The following AP3B1 variants were observed in gnomAD, a reference collection of about 807,000 sequenced individuals.
AP3B1 encodes AP-3 complex subunit beta-1.
In AP3B1, 61 loss-of-function variants were observed where a neutral mutation model predicts 132.5. The ratio of observed to expected loss-of-function variants is 0.46; its 90% CI spans 0.37 to 0.57. AP3B1 has a LOEUF of 0.57. Among genes scored for constraint, AP3B1 ranks in the 20% least tolerant of loss-of-function variants. The pLI, the probability that AP3B1 is intolerant of heterozygous loss-of-function variation, is 0.00. For synonymous variants in AP3B1, 388 were observed against 438.3 expected (o/e 0.89, Z 1.43); for missense variants, 1,120 against 1,289.4 (o/e 0.87, Z 2.01).
At chr5:78,095,561 T>C (rs1371980988) in intron 21 of AP3B1, among the ~76,000 whole-genome samples, 1 of 152,198 alleles carries the variant, frequency 6.6e-6, no homozygotes, top group African/African-American at 2.4e-5. Flanking sequence ...TGTAGTTTTT[T>C]AATTTGGGGT....
At chr5:78,085,004 C>T (rs1455733441) in intron 22 of AP3B1, among the ~76,000 whole-genome samples, 1 of 152,002 alleles carries the variant, frequency 6.6e-6, no homozygotes, top group Non-Finnish European at 1.5e-5. Context: ...ACCATCACTA[C>T]TATCACTAGA....
chr5:78,040,514 T>C (rs909972636), intron 22 of AP3B1, among the ~76,000 whole-genome samples: 4 of 152,174 alleles, frequency 2.6e-5, no homozygotes, highest in African/African-American at 9.7e-5. Context: ...TATTGAACAT[T>C]AGACTCTTAA....
intron 3 of AP3B1, among the ~76,000 whole-genome samples, chr5:78,237,199 A>G (rs1334044786): frequency 4.6e-5 from 7 of 152,194 alleles, no homozygotes. Context: ...TTCCTATCTA[A>G]TGAAAAAAAT....
intron 19 of AP3B1, among the ~76,000 whole-genome samples, chr5:78,110,716 A>G (rs905376723): frequency 1.9e-3 from 246 of 126,990 alleles, no homozygotes; most frequent in East Asian, 4.8e-3. Context: ...GTGTGTGTGT[A>G]TGTATGTATA....
intron 6 of AP3B1, among the ~76,000 whole-genome samples, chr5:78,221,632 A>G (rs1481723425): frequency 6.6e-6 from 1 of 151,876 alleles, no homozygotes. Flanking sequence ...GAACCAAAAG[A>G]ATAAAAATGA....
At chr5:78,151,387 G>A (rs1044046727) in intron 14 of AP3B1, among the ~76,000 whole-genome samples, 1 of 152,154 alleles carries the variant, frequency 6.6e-6, no homozygotes, top group African/African-American at 2.4e-5. Flanking sequence ...GCTTGAGGTA[G>A]GACTTCCAGT....
intron 21 of AP3B1, among the ~76,000 whole-genome samples, chr5:78,096,351 T>C (rs252745): frequency 0.24 from 36,345 of 151,746 alleles, 4,587 homozygotes; most frequent in Admixed American, 0.31. Flanking sequence ...GGCATGATCT[T>C]GGCTCGCTAC....
intron 12 of AP3B1, among the ~76,000 whole-genome samples, chr5:78,164,563 T>A (rs1331526814): frequency 6.6e-6 from 1 of 151,912 alleles, no homozygotes; most frequent in Non-Finnish European, 1.5e-5. Context: ...TAAATAAAAT[T>A]ATAGGAATGA....
At chr5:78,281,371 T>C (rs1217840326) in intron 1 of AP3B1, among the ~76,000 whole-genome samples, 1 of 148,472 alleles carries the variant, frequency 6.7e-6, no homozygotes. Flanking sequence ...GAAGCAGAGA[T>C]TGCAGTGAGC....
At chr5:78,142,242 A>G (rs1307825306) in intron 14 of AP3B1, among the ~76,000 whole-genome samples, 1 of 152,238 alleles carries the variant, frequency 6.6e-6, no homozygotes, top group East Asian at 1.9e-4. Flanking sequence ...TTCCATCAGT[A>G]CCATTAAGAC....
At chr5:78,129,906 C>G (rs568205093) in intron 15 of AP3B1, among the ~76,000 whole-genome samples, 46 of 152,136 alleles carry the variant, frequency 3.0e-4, no homozygotes, top group African/African-American at 1.0e-3. Context: ...TTCATAAAAG[C>G]AAGCTGCTGA....
intron 15 of AP3B1, among the ~76,000 whole-genome samples, chr5:78,137,742 T>A (rs1752978377): frequency 6.6e-6 from 1 of 152,098 alleles, no homozygotes; most frequent in Admixed American, 6.5e-5. Context: ...CAAAACAGAC[T>A]GCTAACTAAT....
At chr5:78,024,651 A>G (rs149866212) in intron 24 of AP3B1, among the ~76,000 whole-genome samples, 1,687 of 139,198 alleles carry the variant, frequency 0.012, 28 homozygotes, top group African/African-American at 0.033. Context: ...TGCAACCTCC[A>G]CCTCTTGGGT....
chr5:78,089,341 A>ATACAATGGC, intron 22 of AP3B1, 52 bp downstream of exon 22: 1 of 1,282,312 alleles, frequency 7.8e-7, no homozygotes, highest in Non-Finnish European at 1.1e-6. Flanking sequence ...AATAAAAAAG[A>ATACAATGGC]TACAATGGCA....
intron 15 of AP3B1, among the ~76,000 whole-genome samples, chr5:78,139,606 G>A (rs952941583): frequency 6.6e-6 from 1 of 152,260 alleles, no homozygotes; most frequent in Admixed American, 6.5e-5. Context: ...GCTATAATAA[G>A]ATAACTCATA....
chr5:78,012,666 C>G (rs1051496914), intron 26 of AP3B1, among the ~76,000 whole-genome samples: 10 of 152,210 alleles, frequency 6.6e-5, no homozygotes, highest in African/African-American at 2.4e-4. Flanking sequence ...AACTTGGGCC[C>G]TCCCCCAGGT....
At chr5:78,089,575 G>T in intron 21 of AP3B1, 76 bp from the exon 22 acceptor site, 1 of 946,846 alleles carries the variant, frequency 1.1e-6, no homozygotes, top group Non-Finnish European at 1.7e-6. Flanking sequence ...TTTTTATTTT[G>T]TTAGTAAATC....
chr5:78,073,494 A>C (rs983940386), intron 22 of AP3B1, among the ~76,000 whole-genome samples: 1 of 152,200 alleles, frequency 6.6e-6, no homozygotes, highest in Non-Finnish European at 1.5e-5. Context: ...AAATATAGCA[A>C]TTCATAGTCA....
intron 1 of AP3B1, among the ~76,000 whole-genome samples, chr5:78,276,103 T>C (rs1329262482): frequency 6.6e-6 from 1 of 151,926 alleles, no homozygotes; most frequent in South Asian, 2.1e-4. Flanking sequence ...TCTTGCTCTA[T>C]TGCCCAGGCT....
Sources: gnomAD v4.1 joint callset for allele counts (sites outside exome capture counted in the v4.1 genomes callset) on GRCh38, gnomAD v4.1.1 for gene constraint, MANE v1.5 for transcripts, NCBI Gene and HGNC (gene_info 2026-07-23, HGNC 2026-07-21) for gene names.